Variants in NKAIN3 observed in about 807,000 individuals in gnomAD.
NKAIN3 encodes sodium/potassium transporting ATPase interacting 3, also known as sodium/potassium-transporting ATPase subunit beta-1-interacting protein 3.
In NKAIN3, 25 loss-of-function variants were observed where a neutral mutation model predicts 30.2. The ratio of observed to expected loss-of-function variants is 0.83; its 90% CI spans 0.60 to 1.16. The LOEUF is 1.16. Among genes scored for constraint, NKAIN3 ranks in the 50% most tolerant of loss-of-function variants. The pLI is 0.00. For synonymous variants in NKAIN3, 91 were observed against 89.6 expected, an observed-to-expected ratio of 1.02 and a Z score of -0.09; for missense variants, 225 against 254.1, an observed-to-expected ratio of 0.89 and a Z score of 0.78.
chr8:62,412,321 A>AAG (rs1210122568), intron 1 of NKAIN3, among the ~76,000 whole-genome samples: 1 of 151,382 alleles, frequency 6.6e-6, no homozygotes, highest in Non-Finnish European at 1.5e-5. Context: ...AACAAACAAA[A>AAG]AAAAACAGTG....
At chr8:62,589,340 G>A (rs914057872) in intron 2 of NKAIN3, among the ~76,000 whole-genome samples, 3 of 151,656 alleles carry the variant, frequency 2.0e-5, no homozygotes, top group Non-Finnish European at 3.0e-5. Flanking sequence ...CTTAAAATGT[G>A]ACAGTTTTAT....
chr8:62,548,245 A>G (rs1346839301), intron 1 of NKAIN3, among the ~76,000 whole-genome samples: 1 of 152,210 alleles, frequency 6.6e-6, no homozygotes, highest in African/African-American at 2.4e-5. Flanking sequence ...GAACTTTAAT[A>G]AATGAACTGA....
At chr8:62,324,847 G>T (rs1216958778) in intron 1 of NKAIN3, among the ~76,000 whole-genome samples, 1 of 152,022 alleles carries the variant, frequency 6.6e-6, no homozygotes, top group African/African-American at 2.4e-5. Flanking sequence ...TAGCAAATTG[G>T]CTATTCTCTC....
chr8:62,561,060 C>G (rs1000633526), intron 1 of NKAIN3, among the ~76,000 whole-genome samples: 2 of 152,046 alleles, frequency 1.3e-5, no homozygotes, highest in Non-Finnish European at 2.9e-5. Context: ...TAAAAGTTTT[C>G]TCTCTTGCTA....
intron 3 of NKAIN3, among the ~76,000 whole-genome samples, chr8:62,640,946 C>A (rs866546893): frequency 3.9e-5 from 6 of 152,070 alleles, no homozygotes; most frequent in South Asian, 2.1e-4. Flanking sequence ...TAATGTCTAA[C>A]CCTCAGCATT....
At chr8:62,992,182 T>A (rs1414787649) in intron 5 of NKAIN3, among the ~76,000 whole-genome samples, 1 of 151,804 alleles carries the variant, frequency 6.6e-6, no homozygotes, top group Non-Finnish European at 1.5e-5. Context: ...CCCAGCTAAT[T>A]TTTGTATTTA....
chr8:62,395,295 C>T (rs368321538), intron 1 of NKAIN3, among the ~76,000 whole-genome samples: 1 of 150,976 alleles, frequency 6.6e-6, no homozygotes, highest in Non-Finnish European at 1.5e-5. Context: ...CGGGCGGAGG[C>T]CCCCCTCACT....
Position 62,974,567 on chromosome 8 carries a change from A to G in NKAIN3, c.*9160A>G, listed in dbSNP as rs1192994465. On this transcript the variant is annotated 3_prime_UTR_variant, in exon 7 of 7. Transcript: ENST00000623646. ...CTCTTTAAGGAGTTTTGGGGTTGAG[A>G]CAATGGGGTTTTCTAAATGTACAAC... is the stretch of plus-strand genomic sequence containing the variant. Among the ~76,000 whole-genome samples, 1 of 152,170 alleles carries G rather than the reference A, an allele frequency of 6.6e-6. No individual in the cohort carries two copies. The highest frequency in any genetic ancestry group is 1.5e-5 in the Non-Finnish European group (1 of 68,036).
At chr8:62,260,628 T>C (rs1467322488) in intron 1 of NKAIN3, among the ~76,000 whole-genome samples, 1 of 152,142 alleles carries the variant, frequency 6.6e-6, no homozygotes, top group Admixed American at 6.6e-5. Flanking sequence ...ATTCATTTGC[T>C]TTATATCTGG....
chr8:62,335,447 A>G (rs1815515117), intron 1 of NKAIN3, among the ~76,000 whole-genome samples: 1 of 151,286 alleles, frequency 6.6e-6, no homozygotes, highest in Non-Finnish European at 1.5e-5. Context: ...AAAAAAAAAA[A>G]AAAAGAAAGA....
In NKAIN3 at chr8:62,414,718, TAGTC is replaced by T. The variant is rs915508719; in HGVS notation, c.55-164818_55-164815del. Among the ~76,000 whole-genome samples, 19 of 152,300 alleles carry T rather than the reference TAGTC, an allele frequency of 1.2e-4. No homozygotes were observed. The East Asian group carries it at 1.3e-3, about 11-fold the overall frequency. ...GATTGTTCCTTTTGTTTCAGGGTCTTAGTCAGCAGTCAGTATTTAACTATGATAC... is the reference window on the plus strand; with the variant it reads ...GATTGTTCCTTTTGTTTCAGGGTCTTAGCAGTCAGTATTTAACTATGATAC... On this transcript the variant is annotated intron_variant, in intron 1 of 6. Transcript: ENST00000623646.
chr8:62,871,635 C>T (rs918253148), intron 4 of NKAIN3, among the ~76,000 whole-genome samples: 11 of 152,224 alleles, frequency 7.2e-5, no homozygotes, highest in African/African-American at 2.7e-4. Context: ...ATGGGATGCC[C>T]TTCTGGGGGC....
At chr8:62,901,660 G>A (rs4596652) in intron 4 of NKAIN3, among the ~76,000 whole-genome samples, 15,779 of 152,148 alleles carry the variant, frequency 0.1, 900 homozygotes, top group Admixed American at 0.14. Context: ...TTTTACGTAC[G>A]TCCCGCAAGT....
rs574589526 is a variant in NKAIN3, at chr8:62,325,985, G to T, written c.54+76858G>T. On this transcript the variant is annotated intron_variant, in intron 1 of 6. Coordinates refer to ENST00000623646, the MANE Select transcript of NKAIN3 (RefSeq NM_001304533.3). ...GTTTACTCTATTGATTATTTATTTTGCTGTGAAATAGCTTTTTAGTTTAAT... is the reference window on the plus strand; with the variant it reads ...GTTTACTCTATTGATTATTTATTTTTCTGTGAAATAGCTTTTTAGTTTAAT... Among the ~76,000 whole-genome samples the T allele has an allele frequency of 7.3e-3, 1,112 of 151,852 alleles. 12 individuals are homozygous for T. Among genetic ancestry groups the T allele is most frequent in the African/African-American group, 0.025 (1,055 of 41,484 alleles).
chr8:62,877,064 A>G (rs747262099), intron 4 of NKAIN3, among the ~76,000 whole-genome samples: 2 of 152,032 alleles, frequency 1.3e-5, no homozygotes, highest in Non-Finnish European at 2.9e-5. Context: ...GGAAGAACCA[A>G]ACTGAAAGTA....
chr8:62,479,205 A>T (rs968463546), intron 1 of NKAIN3, among the ~76,000 whole-genome samples: 1 of 152,128 alleles, frequency 6.6e-6, no homozygotes, highest in African/African-American at 2.4e-5. Flanking sequence ...AATGCCTTAA[A>T]TCTTTATAGA....
At chr8:62,510,699 A>G (rs1172847226) in intron 1 of NKAIN3, among the ~76,000 whole-genome samples, 2 of 152,148 alleles carry the variant, frequency 1.3e-5, no homozygotes, top group Non-Finnish European at 2.9e-5. Context: ...GAAGAGGAGT[A>G]AGGAGAAAAT....
intron 3 of NKAIN3, among the ~76,000 whole-genome samples, chr8:62,731,353 A>G (rs532088455): frequency 2.4e-4 from 36 of 152,092 alleles, no homozygotes; most frequent in Non-Finnish European, 5.0e-4. Context: ...CGGTATTTAC[A>G]TTTATTTTCT....
chr8:62,678,211 C>A (rs1813539659), intron 3 of NKAIN3, among the ~76,000 whole-genome samples: 1 of 152,180 alleles, frequency 6.6e-6, no homozygotes, highest in South Asian at 2.1e-4. Context: ...AATGCTTCTT[C>A]TGTGCCTTTG....
Sources: gnomAD v4.1 joint callset for allele counts (sites outside exome capture counted in the v4.1 genomes callset) on GRCh38, gnomAD v4.1.1 for gene constraint, MANE v1.5 for transcripts, NCBI Gene and HGNC (gene_info 2026-07-23, HGNC 2026-07-21) for gene names.